Variants in SCAP observed in about 807,000 individuals in gnomAD.
SCAP encodes the protein sterol regulatory element-binding protein cleavage-activating protein.
A neutral mutation model predicts 123.6 loss-of-function variants in SCAP; 65 were observed. That is an observed-to-expected ratio of 0.53 (90% CI 0.43 to 0.65). The LOEUF is 0.65. Among genes scored for constraint, SCAP ranks in the 30% least tolerant of loss-of-function variants. The pLI is 0.00. For synonymous variants in SCAP, 740 were observed against 726.3 expected (o/e 1.02, Z -0.30); for missense variants, 1,398 against 1,712.5 (o/e 0.82, Z 3.24).
At chr3:47,457,012 C>A (rs1360332837) in intron 1 of SCAP, among the ~76,000 whole-genome samples, 1 of 152,040 alleles carries the variant, frequency 6.6e-6, no homozygotes, top group Non-Finnish European at 1.5e-5. Context: ...ATGGTGAAAC[C>A]CTGTCTCTAC....
At chr3:47,453,405 A>AG (rs1707295149) in intron 1 of SCAP, among the ~76,000 whole-genome samples, 1 of 151,032 alleles carries the variant, frequency 6.6e-6, no homozygotes, top group Admixed American at 6.6e-5. Context: ...TGGAAAAAAA[A>AG]AAGACCTGCT....
chr3:47,460,330 T>A (rs1262491588), intron 1 of SCAP, among the ~76,000 whole-genome samples: 1 of 152,216 alleles, frequency 6.6e-6, no homozygotes, highest in African/African-American at 2.4e-5. Flanking sequence ...TTTTGGGAAC[T>A]GATAAATGTC....
At position 47,413,756 on chromosome 3, in the gene SCAP, G is replaced by A. The variant is rs147793503; in HGVS notation, c.*98C>T. On this transcript the variant is annotated 3_prime_UTR_variant, in exon 23 of 23. Transcript: ENST00000265565. ...AATATTATTACAGTCAGGAGGCAGC[G>A]GCTGGAAGATACTCGGCTCTTTCCC... 241 of 1,462,504 alleles carry A rather than the reference G, an allele frequency of 1.6e-4. No individual in the cohort carries two copies. In the African/African-American group the frequency reaches 2.7e-3, roughly 16 times the overall value. 90.6% of individuals were successfully genotyped at this position (1,462,504 alleles called of 1,614,324 possible). A position where few individuals can be genotyped will look rare whatever the true frequency, so the allele number is the denominator to read the frequency against.
intron 2 of SCAP, among the ~76,000 whole-genome samples, chr3:47,442,260 C>A (rs1170728559): frequency 6.6e-6 from 1 of 152,162 alleles, no homozygotes; most frequent in Non-Finnish European, 1.5e-5. Context: ...TCCTCCTTTA[C>A]GACGTCATTG....
chr3:47,462,753 CAAA>C (rs369097240), intron 1 of SCAP, among the ~76,000 whole-genome samples: 4 of 79,606 alleles, frequency 5.0e-5, no homozygotes, highest in Admixed American at 1.3e-4. Context: ...AACTCCGTCT[CAAA>C]AAAAAAAAAA....
At chr3:47,466,480 C>A (rs1371271772) in intron 1 of SCAP, among the ~76,000 whole-genome samples, 1 of 152,018 alleles carries the variant, frequency 6.6e-6, no homozygotes, top group African/African-American at 2.4e-5. Flanking sequence ...AAAAAAGAAC[C>A]CAAAAATAAA....
In SCAP at chr3:47,419,521, C is replaced by A. The variant is rs1449815337; in HGVS notation, c.1747G>T (p.Asp583Tyr). 6.2e-7 allele frequency: 1 copy of A among 1,613,930 alleles called. No homozygotes were observed. The highest frequency in any genetic ancestry group is 8.5e-7 in the Non-Finnish European group (1 of 1,179,976). The change falls in exon 13 of 23, where the codon GAT becomes TAT. Residue 583 changes from aspartate to tyrosine, a missense_variant. Transcript: ENST00000265565. The surrounding 1 kb of genome is among the most constrained non-coding windows in gnomAD (Gnocchi z 5.0). Reference sequence around the variant, plus strand: ...TGGTTCTCAGGTAGCTTAGGGGCATCAGGTGGGAAGATGGAGAAGGCAGGG... The same window carrying A: ...TGGTTCTCAGGTAGCTTAGGGGCATAAGGTGGGAAGATGGAGAAGGCAGGG... ...PDPAFSIFPP[D>Y]APKLPENQTS...
chr3:47,472,102 C>T (rs1214366434), intron 1 of SCAP, among the ~76,000 whole-genome samples: 1 of 150,830 alleles, frequency 6.6e-6, no homozygotes, highest in Non-Finnish European at 1.5e-5. Flanking sequence ...GCCTGGGCAA[C>T]AGATTGAGTG....
chr3:47,432,243 G>T (rs1018648230), intron 3 of SCAP, among the ~76,000 whole-genome samples: 15 of 151,126 alleles, frequency 9.9e-5, no homozygotes, highest in African/African-American at 2.9e-4. Context: ...CTTGAACCCG[G>T]GAGGCGGAGG....
At position 47,419,795 on chromosome 3, in the gene SCAP, C is replaced by T. The variant is rs950937817; in HGVS notation, c.1564-91G>A. The T allele has an allele frequency of 5.6e-6, 8 of 1,438,970 alleles. No individual in the cohort carries two copies. In the African/African-American group the frequency reaches 1.0e-4, roughly 18 times the overall value. The allele number at this position is 1,438,970 out of a possible 1,614,324, so 89.1% of individuals were successfully genotyped here. A position where few individuals can be genotyped will look rare whatever the true frequency, so the allele number is the denominator to read the frequency against. ...ATGCTGAGAGGAAGCAGCACAGGGA[C>T]CTCAGGCCTGGGGATGGAGAGAGGA... On this transcript the variant is annotated intron_variant, in intron 12 of 22. Coordinates refer to ENST00000265565, the MANE Select transcript of SCAP (RefSeq NM_012235.4). The surrounding 1 kb of genome is among the most constrained non-coding windows in gnomAD (Gnocchi z 5.0).
At chr3:47,427,709 C>T in intron 4 of SCAP, 42 bp from the exon 5 acceptor site, 1 of 1,534,220 alleles carries the variant, frequency 6.5e-7, no homozygotes, top group Non-Finnish European at 9.0e-7. Context: ...TGTCTGCCAC[C>T]ACAGGGCAGA....
intron 13 of SCAP, 32 bp from the exon 14 acceptor site, chr3:47,418,875 G>T: frequency 1.4e-6 from 2 of 1,480,474 alleles, no homozygotes; most frequent in Non-Finnish European, 8.9e-7. Flanking sequence ...CCTCAGCGGG[G>T]GGCCTCCCAG....
At chr3:47,473,670 T>G (rs1026123351) in intron 1 of SCAP, among the ~76,000 whole-genome samples, 7 of 152,202 alleles carry the variant, frequency 4.6e-5, no homozygotes, top group African/African-American at 1.7e-4. Flanking sequence ...CCAGGATCCC[T>G]GAGGCACATT....
At chr3:47,475,142 GC>G (rs2108047135) in intron 1 of SCAP, among the ~76,000 whole-genome samples, 1 of 151,676 alleles carries the variant, frequency 6.6e-6, no homozygotes, top group South Asian at 2.1e-4. Context: ...CCCTGCCAGA[GC>G]CCCCACAGCG....
Position 47,426,076 on chromosome 3 carries a change from C to G in SCAP, c.831G>C (p.Lys277Asn). 6.2e-7 allele frequency: 1 copy of G among 1,614,104 alleles called. No individual in the cohort carries two copies. The highest frequency in any genetic ancestry group is 1.1e-5 in the South Asian group (1 of 91,088). ...RAESLVHVHFKEEIGVAELIP... is the reference protein window; with the variant it reads ...RAESLVHVHFNEEIGVAELIP... ...TGAGCTCAGCGACACCAATCTCCTCCTTGAAGTGCACGTGGACCAGGCTCT... is the reference window on the plus strand; with the variant it reads ...TGAGCTCAGCGACACCAATCTCCTCGTTGAAGTGCACGTGGACCAGGCTCT... The change falls in exon 7 of 23, where the codon AAG becomes AAC. Residue 277 changes from lysine to asparagine, a missense_variant. Physicochemically the swap from Lys to Asn is moderately conservative, Grantham distance 94. Transcript: ENST00000265565.
intron 1 of SCAP, among the ~76,000 whole-genome samples, chr3:47,458,928 C>T (rs879771665): frequency 3.3e-5 from 5 of 152,312 alleles, no homozygotes; most frequent in South Asian, 2.1e-4. Context: ...GCCTCAGCCT[C>T]GCAAGTAGCT....
intron 1 of SCAP, among the ~76,000 whole-genome samples, chr3:47,459,885 CA>C (rs1429437621): frequency 6.6e-6 from 1 of 152,076 alleles, no homozygotes; most frequent in Non-Finnish European, 1.5e-5. Flanking sequence ...TGCAGGAGAC[CA>C]GGGCGTATTT....
rs1392763722 is a variant in SCAP at position 47,417,724 on chromosome 3, G to T, written c.2550C>A (p.Asp850Glu). Residue 850 changes from aspartate to glutamate, a missense_variant, in exon 17 of 23, where the codon GAC (aspartate) becomes GAA (glutamate). This residue lies in a region of SCAP where 828 missense variants were observed against 882.5 expected (regional missense o/e 0.94). Coordinates refer to ENST00000265565, the MANE Select transcript of SCAP (RefSeq NM_012235.4). ...GGKAGPEEPGDSPPLRHRPRG... is the reference protein window; with the variant it reads ...GGKAGPEEPGESPPLRHRPRG... ...GGGGGCGGTGTCTCAGGGGAGGGCT[G>T]TCCCCAGGCTCCTCTGGACCAGCCT... The T allele has an allele frequency of 1.2e-6, 2 of 1,608,108 alleles. No individual in the cohort carries two copies. Among genetic ancestry groups the T allele is most frequent in the African/African-American group, 1.4e-5 (1 of 73,478 alleles).
intron 1 of SCAP, among the ~76,000 whole-genome samples, chr3:47,458,147 G>T (rs1460683292): frequency 1.3e-5 from 2 of 151,656 alleles, no homozygotes; most frequent in Non-Finnish European, 2.9e-5. Flanking sequence ...AATTAGCAGG[G>T]CGTGGCCAGG....
Sources: allele counts gnomAD v4.1 joint callset (sites outside exome capture counted in the v4.1 genomes callset), GRCh38; gene constraint gnomAD v4.1.1; regional missense constraint gnomAD v4.1.1; non-coding constraint Gnocchi (gnomAD v3.1); transcripts MANE v1.5; gene names NCBI Gene and HGNC (gene_info 2026-07-23, HGNC 2026-07-21).